Variants in DHH observed in about 807,000 individuals in gnomAD.
The protein encoded by DHH is desert hedgehog signaling molecule.
A neutral mutation model predicts 27.6 loss-of-function variants in DHH; 16 were observed. The observed-to-expected ratio is 0.58, with a 90% CI of 0.39 to 0.88. The LOEUF (loss-of-function observed/expected upper bound fraction) is 0.88. Ranked by LOEUF, DHH falls within the 40% of genes least tolerant of loss-of-function variation. The pLI is 0.00. For missense variants in DHH, 436 were observed against 563.1 expected (o/e 0.77, Z 2.28); for synonymous variants, 289 against 263.4 (o/e 1.10, Z -0.94).
intron 1 of DHH, 140 bp downstream of exon 1, chr12:49,094,068 TCC>T: frequency 1.1e-6 from 1 of 920,310 alleles, no homozygotes; most frequent in Non-Finnish European, 1.6e-6. Flanking sequence ...CAAGGATTTT[TCC>T]CCCCCCTGGG....
rs1193245426 is a variant in DHH at position 49,087,143 on chromosome 12, A to T, written c.*2716T>A. Among the ~76,000 whole-genome samples the T allele has an allele frequency of 4.0e-5, 6 of 151,266 alleles. No individual in the cohort carries two copies. The highest frequency in any genetic ancestry group is 3.9e-4 in the Admixed American group (6 of 15,226). On this transcript the variant is annotated 3_prime_UTR_variant, in exon 3 of 3. Transcript: ENST00000649637. ...GTTGCATGGCCAAGTGAATATGCCC[A>T]CCTGCTGCACCAAGATGGTGCGCAT...
rs1939240132 is a variant in DHH, at chr12:49,088,339, T to G, written c.*1520A>C. Among the ~76,000 whole-genome samples, 1 of 152,194 alleles carries G rather than the reference T, an allele frequency of 6.6e-6. No homozygotes were observed. The highest frequency in any genetic ancestry group is 2.1e-4 in the South Asian group (1 of 4,836). On this transcript the variant is annotated 3_prime_UTR_variant, in exon 3 of 3. Coordinates refer to ENST00000649637, the MANE Select transcript of DHH (RefSeq NM_021044.4). ...TCTCCCTCCTGGGAGCGGGCTCCTT[T>G]GCGCAGGTCCAGTACACCCTTCCAT...
rs761002696 is a variant in DHH, at chr12:49,094,357, C to T, written c.156G>A (p.Val52=). 1 of 1,613,024 alleles carries T rather than the reference C, an allele frequency of 6.2e-7. No homozygotes were observed. The highest frequency in any genetic ancestry group is 1.1e-5 in the South Asian group (1 of 91,074). ...PLLYKQFVPG[V]PERTLGASGP... is the part of the protein sequence containing the mutation. ...CACTGGCGCCCAGGGTCCGCTCTGG[C>T]ACGCCGGGCACAAATTGCTTGTAGA... is the stretch of plus-strand genomic sequence containing the variant. The change falls in exon 1 of 3, where the codon GTG becomes GTA. Residue 52 remains valine (V), a synonymous_variant. Transcript: ENST00000649637.
In DHH at chr12:49,088,853, C is replaced by T. The variant is rs535797110; in HGVS notation, c.*1006G>A. ...CACATACACCCAGGCTGAATCCATT[C>T]TCTCTCTCTGAGCAGCCCTTCAGTA... On this transcript the variant is annotated 3_prime_UTR_variant, in exon 3 of 3. Coordinates refer to ENST00000649637, the MANE Select transcript of DHH (RefSeq NM_021044.4). 6.6e-6 allele frequency among the ~76,000 whole-genome samples: 1 copy of T among 151,874 alleles called. No homozygotes were observed. The highest frequency in any genetic ancestry group is 6.6e-5 in the Admixed American group (1 of 15,244).
chr12:49,094,680 G>T lies in DHH; in HGVS notation c.-168C>A. 2 of 827,912 alleles carry T rather than the reference G, an allele frequency of 2.4e-6. No homozygotes were observed. Among genetic ancestry groups the T allele is most frequent in the Non-Finnish European group, 3.9e-6 (2 of 510,052 alleles). 51.3% of individuals were successfully genotyped at this position (827,912 alleles called of 1,614,324 possible). On this transcript the variant is annotated 5_prime_UTR_variant, in exon 1 of 3. Coordinates refer to ENST00000649637, the MANE Select transcript of DHH (RefSeq NM_021044.4). ...TGGCTGCTGCTAGCTCTGCCCACGT[G>T]CCCCGGGAGCGGGCGGGGGGTGTCT...
At position 49,090,921 on chromosome 12, in the gene DHH, C is replaced by G. The variant is rs1470191554; in HGVS notation, c.565+207G>C. Among the ~76,000 whole-genome samples the G allele has an allele frequency of 6.6e-6, 1 of 152,144 alleles. No individual in the cohort carries two copies. Among genetic ancestry groups the G allele is most frequent in the Non-Finnish European group, 1.5e-5 (1 of 68,016 alleles). The stretch of plus-strand genomic sequence containing the variant: ...TTCACCATGTTGGCTAGGCTGATCT[C>G]GAACTCCTGACCTCAAGTGATCCGC... On this transcript the variant is annotated intron_variant, in intron 2 of 2. Transcript: ENST00000649637. This position sits in a 1 kb window ranked among gnomAD's most constrained non-coding sequence, Gnocchi z 5.2.
rs531289548 is a variant in DHH, at chr12:49,091,920, C to A, written c.304-531G>T. On this transcript the variant is annotated intron_variant, in intron 1 of 2. Transcript: ENST00000649637. The surrounding 1 kb of genome is among the most constrained non-coding windows in gnomAD (Gnocchi z 4.8). ...TTAACCCCTTCGTGCTCTGGGTGCC[C>A]CCCAGAGAGGTGCCCAAGAGGAGCT... Among the ~76,000 whole-genome samples the A allele has an allele frequency of 6.6e-6, 1 of 152,258 alleles. No homozygotes were observed. The highest frequency in any genetic ancestry group is 2.1e-4 in the South Asian group (1 of 4,822).
Position 49,091,066 on chromosome 12 carries a change from A to G in DHH, c.565+62T>C. Reference sequence around the variant, plus strand: ...CCTAGGGTGGCAACAGTACTACTGCAGACTCAGTTTCCCGGAGGGAGCCCC... The same window carrying G: ...CCTAGGGTGGCAACAGTACTACTGCGGACTCAGTTTCCCGGAGGGAGCCCC... On this transcript the variant is annotated intron_variant, in intron 2 of 2. Transcript: ENST00000649637. This position sits in a 1 kb window ranked among gnomAD's most constrained non-coding sequence, Gnocchi z 4.8. The G allele has an allele frequency of 1.2e-6, 2 of 1,613,198 alleles. No individual in the cohort carries two copies. The highest frequency in any genetic ancestry group is 1.7e-6 in the Non-Finnish European group (2 of 1,179,262).
Position 49,091,383 on chromosome 12 carries a change from T to TA in DHH, c.309dup (p.Lys104Ter). On this transcript the variant is annotated frameshift_variant, in exon 2 of 3. Coordinates refer to ENST00000649637, the MANE Select transcript of DHH (RefSeq NM_021044.4). LOFTEE classifies it high-confidence loss of function. The surrounding 1 kb of genome is among the most constrained non-coding windows in gnomAD (Gnocchi z 4.8). ...ATGGCCAAAGCGTTCACCCGCTCCTTACAACGCTGGCGGGGAATAAAGGAG... is the reference window on the plus strand; with the variant it reads ...ATGGCCAAAGCGTTCACCCGCTCCTTAACAACGCTGGCGGGGAATAAAGGAG... 1 of 1,614,132 alleles carries TA rather than the reference T, an allele frequency of 6.2e-7. No individual in the cohort carries two copies. Among genetic ancestry groups the TA allele is most frequent in the Non-Finnish European group, 8.5e-7 (1 of 1,180,038 alleles).
rs1204625645 is a variant in DHH at position 49,090,412 on chromosome 12, C to T, written c.638G>A (p.Arg213Gln). ...GCGGTGCAGTTCCCGCAGCCCTTTC[C>T]GCTCGCCGCTCCACAGGCGCACAGT... ...NATVRLWSGE[R>Q]KGLRELHRGD... is the part of the protein sequence containing the mutation. Residue 213 changes from arginine to glutamine, a missense_variant, in exon 3 of 3, where the codon CGG becomes CAG. By Grantham distance (43) the Arg-to-Gln change is conservative (BLOSUM62 1). Coordinates refer to ENST00000649637, the MANE Select transcript of DHH (RefSeq NM_021044.4). This position sits in a 1 kb window ranked among gnomAD's most constrained non-coding sequence, Gnocchi z 5.2. 1 of 1,609,434 alleles carries T rather than the reference C, an allele frequency of 6.2e-7. No individual in the cohort carries two copies. Among genetic ancestry groups the T allele is most frequent in the Non-Finnish European group, 8.5e-7 (1 of 1,179,084 alleles).
chr12:49,088,573 G>A lies in DHH; in HGVS notation c.*1286C>T, dbSNP rs1939244212. On this transcript the variant is annotated 3_prime_UTR_variant, in exon 3 of 3. Transcript: ENST00000649637. ...CTCCACCCAAGACACTTCCCTTCTG[G>A]AGCAGCCCAGCTTCCTCCAGAGCTT... Among the ~76,000 whole-genome samples, 1 of 152,126 alleles carries A rather than the reference G, an allele frequency of 6.6e-6. No individual in the cohort carries two copies. The highest frequency in any genetic ancestry group is 2.1e-4 in the South Asian group (1 of 4,822).
Position 49,091,445 on chromosome 12 carries a change from C to G in DHH, c.304-56G>C. The G allele has an allele frequency of 6.2e-7, 1 of 1,605,182 alleles. No homozygotes were observed. Among genetic ancestry groups the G allele is most frequent in the Non-Finnish European group, 8.5e-7 (1 of 1,177,114 alleles). On this transcript the variant is annotated intron_variant, in intron 1 of 2. Transcript: ENST00000649637. This position sits in a 1 kb window ranked among gnomAD's most constrained non-coding sequence, Gnocchi z 4.8. Reference sequence around the variant, plus strand: ...ACCACCACCCTTGGGGCAAAAGGGACCTGGATAGGAGGGTTGATTCTTTGT... The same window carrying G: ...ACCACCACCCTTGGGGCAAAAGGGAGCTGGATAGGAGGGTTGATTCTTTGT...
intron 1 of DHH, among the ~76,000 whole-genome samples, chr12:49,093,920 C>T (rs1294507291): frequency 6.6e-6 from 1 of 152,202 alleles, no homozygotes; most frequent in Non-Finnish European, 1.5e-5. Context: ...TCAGCCATTT[C>T]CCGTCTCGCC....
chr12:49,090,505 G>A lies in DHH; in HGVS notation c.566-21C>T. The A allele has an allele frequency of 6.3e-7, 1 of 1,596,994 alleles. No homozygotes were observed. Among genetic ancestry groups the A allele is most frequent in the African/African-American group, 1.3e-5 (1 of 74,992 alleles). ...GTTATCTGCAGGGAACAACCACAGG[G>A]AGGATTGAATCAAGACCAGCGGTTC... On this transcript the variant is annotated intron_variant, in intron 2 of 2. Transcript: ENST00000649637. The surrounding 1 kb of genome is among the most constrained non-coding windows in gnomAD (Gnocchi z 5.2).
chr12:49,094,203 T>TC lies in DHH; in HGVS notation c.303+6dup. On this transcript the variant is annotated splice_region_variant and intron_variant, in intron 1 of 2. Coordinates refer to ENST00000649637, the MANE Select transcript of DHH (RefSeq NM_021044.4). ...CCCCGGCGCAGGTAGGGAGAGGCCC[T>TC]CCTTACCTCGGTCATCAGGCGGTCG... The TC allele has an allele frequency of 6.2e-7, 1 of 1,613,302 alleles. No individual in the cohort carries two copies. The highest frequency in any genetic ancestry group is 8.5e-7 in the Non-Finnish European group (1 of 1,179,970).
chr12:49,091,521 T>C lies in DHH; in HGVS notation c.304-132A>G. 7.5e-7 allele frequency: 1 copy of C among 1,329,310 alleles called. No homozygotes were observed. The highest frequency in any genetic ancestry group is 1.0e-6 in the Non-Finnish European group (1 of 964,678). The allele number at this position is 1,329,310 out of a possible 1,614,324, so 82.3% of individuals were successfully genotyped here. Reference sequence around the variant, plus strand: ...CCAGCTTTTGAGTGTCCTGGAGAAATGAGAATCTGAGTCGATGGTAGTCAC... The same window carrying C: ...CCAGCTTTTGAGTGTCCTGGAGAAACGAGAATCTGAGTCGATGGTAGTCAC... On this transcript the variant is annotated intron_variant, in intron 1 of 2. Transcript: ENST00000649637. This position sits in a 1 kb window ranked among gnomAD's most constrained non-coding sequence, Gnocchi z 4.8.
chr12:49,094,184 C>T (rs368930075), intron 1 of DHH, 26 bp downstream of exon 1: 80 of 1,612,662 alleles, frequency 5.0e-5, no homozygotes, highest in Non-Finnish European at 6.7e-5. Context: ...AGTGCCCCGG[C>T]GCAGGTAGGG....
rs1350714836 is a variant in DHH at position 49,087,552 on chromosome 12, C to T, written c.*2307G>A. Among the ~76,000 whole-genome samples the T allele has an allele frequency of 1.3e-5, 2 of 152,070 alleles. No individual in the cohort carries two copies. Among genetic ancestry groups the T allele is most frequent in the African/African-American group, 4.8e-5 (2 of 41,410 alleles). On this transcript the variant is annotated 3_prime_UTR_variant, in exon 3 of 3. Coordinates refer to ENST00000649637, the MANE Select transcript of DHH (RefSeq NM_021044.4). ...ACTCTGTCTCTACAGAAAATACAAA[C>T]ATTAGCCAGGCATAGCGGCATGCAC...
Position 49,090,582 on chromosome 12 carries a change from T to C in DHH, c.566-98A>G. On this transcript the variant is annotated intron_variant, in intron 2 of 2. Transcript: ENST00000649637. This position sits in a 1 kb window ranked among gnomAD's most constrained non-coding sequence, Gnocchi z 5.2. The stretch of plus-strand genomic sequence containing the variant: ...ATATCGCCAGTCATGGACAACACAA[T>C]TTTCCGTTAATCTGACTGGCCCCAA... 5.3e-6 allele frequency: 8 copies of C among 1,511,600 alleles called. No homozygotes were observed. Among genetic ancestry groups the C allele is most frequent in the Non-Finnish European group, 7.1e-6 (8 of 1,122,490 alleles). The allele number at this position is 1,511,600 out of a possible 1,614,324, so 93.6% of individuals were successfully genotyped here. A position where few individuals can be genotyped will look rare whatever the true frequency, so the allele number is the denominator to read the frequency against.
Sources: gnomAD v4.1 joint callset for allele counts (sites outside exome capture counted in the v4.1 genomes callset) on GRCh38, gnomAD v4.1.1 for gene constraint, Gnocchi (gnomAD v3.1) non-coding constraint, MANE v1.5 for transcripts, NCBI Gene and HGNC (gene_info 2026-07-23, HGNC 2026-07-21) for gene names.